Variants in SBF2 observed in about 807,000 individuals in gnomAD.
SBF2 encodes the protein myotubularin-related protein 13.
In SBF2, 112 loss-of-function variants were observed where a neutral mutation model predicts 225.2. That is an observed-to-expected ratio of 0.50 (90% CI 0.43 to 0.58). SBF2 has a LOEUF of 0.58. SBF2 is among the 20% of genes least tolerant of loss of function. SBF2 has a pLI of 0.00. For missense variants in SBF2, 1,996 were observed against 2,206.2 expected, an observed-to-expected ratio of 0.90 and a Z score of 1.91; for synonymous variants, 763 against 773.3, an observed-to-expected ratio of 0.99 and a Z score of 0.22.
chr11:9,916,847 G>C (rs1410411833), intron 16 of SBF2, among the ~76,000 whole-genome samples: 1 of 151,698 alleles, frequency 6.6e-6, no homozygotes, highest in Admixed American at 6.6e-5. Flanking sequence ...AGCCTCCCAA[G>C]TGCTAAGAGT....
Position 10,198,443 on chromosome 11 carries a change from C to T in SBF2, c.56-4456G>A, listed in dbSNP as rs1222988709. Among the ~76,000 whole-genome samples, 5 of 152,340 alleles carry T rather than the reference C, an allele frequency of 3.3e-5. No homozygotes were observed. The East Asian group carries it at 5.8e-4, about 18-fold the overall frequency. The stretch of plus-strand genomic sequence containing the variant: ...GTAAACCATGCTATAAATAGATGTG[C>T]TGTCATCCAGGCATTGTTGTCCCAT... On this transcript the variant is annotated intron_variant, in intron 1 of 39. Transcript: ENST00000256190.
At chr11:10,198,217 T>C (rs1957447524) in intron 1 of SBF2, among the ~76,000 whole-genome samples, 1 of 152,176 alleles carries the variant, frequency 6.6e-6, no homozygotes, top group Admixed American at 6.5e-5. Context: ...TCTTAAATAG[T>C]AAAACTTGAA....
chr11:10,046,632 C>CT (rs1018936165), intron 2 of SBF2, among the ~76,000 whole-genome samples: 4 of 150,340 alleles, frequency 2.7e-5, no homozygotes, highest in Admixed American at 1.3e-4. Context: ...TAAAGAATAT[C>CT]TTTTAAAAAA....
chr11:10,170,663 T>G (rs1404524053), intron 2 of SBF2, among the ~76,000 whole-genome samples: 2 of 152,184 alleles, frequency 1.3e-5, no homozygotes, highest in African/African-American at 2.4e-5. Flanking sequence ...ACTTTAGAAC[T>G]GTTTATTCTA....
At chr11:9,780,968 C>T (rs188632258) in intron 39 of SBF2, 42 of 294,988 alleles carry the variant, frequency 1.4e-4, no homozygotes, top group East Asian at 5.1e-4. Flanking sequence ...GTCAGGAAAA[C>T]GGTCTCATGG....
chr11:9,822,346 C>T lies in SBF2; in HGVS notation c.3794-5322G>A, dbSNP rs369860736. On this transcript the variant is annotated intron_variant, in intron 28 of 39. Coordinates refer to ENST00000256190, the MANE Select transcript of SBF2 (RefSeq NM_030962.4). ...CGCGATCCTGGCTCACTGCAAGCTC[C>T]GCCTCCCGGGTTCAAGCCATTCTCC... Among the ~76,000 whole-genome samples, 722 of 151,482 alleles carry T rather than the reference C, an allele frequency of 4.8e-3. 4 individuals are homozygous for T. The highest frequency in any genetic ancestry group is 0.014 in the African/African-American group (594 of 41,236).
intron 23 of SBF2, 94 bp from the exon 24 acceptor site, chr11:9,845,834 G>T: frequency 8.7e-7 from 1 of 1,150,280 alleles, no homozygotes; most frequent in African/African-American, 1.5e-5. Context: ...AAAATGGCAA[G>T]ACTGGAGGTC....
chr11:10,293,974 G>GC, intron 1 of SBF2, 41 bp downstream of exon 1: 1 of 1,297,884 alleles, frequency 7.7e-7, no homozygotes, highest in South Asian at 2.4e-5. Flanking sequence ...AGCGGCCGGG[G>GC]GGCGGGGAGG....
intron 16 of SBF2, among the ~76,000 whole-genome samples, chr11:9,937,642 A>G (rs1005158050): frequency 3.3e-5 from 5 of 152,200 alleles, no homozygotes; most frequent in African/African-American, 1.2e-4. Flanking sequence ...AGATGAAATA[A>G]ATAAATTGTA....
At chr11:10,228,260 T>C (rs1022207987) in intron 1 of SBF2, among the ~76,000 whole-genome samples, 2 of 152,208 alleles carry the variant, frequency 1.3e-5, no homozygotes, top group Non-Finnish European at 2.9e-5. Context: ...AATCATGTCA[T>C]CTGCAAACAG....
In SBF2 at chr11:10,258,081, T is replaced by TACACACACACAC. The variant is rs57653852; in HGVS notation, c.55+35922_55+35933dup. Among the ~76,000 whole-genome samples the TACACACACACAC allele has an allele frequency of 1.3e-3, 180 of 138,948 alleles. 1 individual carries two copies. The highest frequency in any genetic ancestry group is 3.7e-3 in the Middle Eastern group (1 of 272). 91.2% of individuals were successfully genotyped at this position (138,948 alleles called of 152,430 possible). On this transcript the variant is annotated intron_variant, in intron 1 of 39. Coordinates refer to ENST00000256190, the MANE Select transcript of SBF2 (RefSeq NM_030962.4). The stretch of plus-strand genomic sequence containing the variant: ...TCTAAGAGGTATAAATACACACACA[T>TACACACACACAC]ACACACACACACACACACACACACA...
At chr11:10,212,879 T>C (rs12286545) in intron 1 of SBF2, among the ~76,000 whole-genome samples, 14,465 of 152,086 alleles carry the variant, frequency 0.095, 937 homozygotes, top group East Asian at 0.29. Flanking sequence ...GGGAACCCCG[T>C]CTCTACTAAA....
intron 16 of SBF2, among the ~76,000 whole-genome samples, chr11:9,931,799 T>C (rs1224861028): frequency 6.6e-6 from 1 of 152,138 alleles, no homozygotes; most frequent in Non-Finnish European, 1.5e-5. Context: ...TTGACAGAAG[T>C]AGGCTTCAGA....
chr11:9,988,908 C>T (rs1291265932), intron 13 of SBF2, among the ~76,000 whole-genome samples: 1 of 152,076 alleles, frequency 6.6e-6, no homozygotes, highest in Non-Finnish European at 1.5e-5. Context: ...CGGGGTTTCA[C>T]CCAGAGGAAA....
chr11:10,007,133 C>T (rs1400257451), intron 6 of SBF2, among the ~76,000 whole-genome samples: 2 of 152,148 alleles, frequency 1.3e-5, no homozygotes, highest in Admixed American at 1.3e-4. Context: ...TCTGTTCTCT[C>T]TGGTATCTCC....
At chr11:9,997,721 T>A (rs113947559) in intron 9 of SBF2, among the ~76,000 whole-genome samples, 7,994 of 152,250 alleles carry the variant, frequency 0.053, 294 homozygotes, top group Middle Eastern at 0.17. Flanking sequence ...GAGCTTGCAG[T>A]GAGCCCAGAT....
At chr11:9,920,577 G>C (rs778034332) in intron 16 of SBF2, among the ~76,000 whole-genome samples, 9 of 152,164 alleles carry the variant, frequency 5.9e-5, no homozygotes, top group Non-Finnish European at 1.2e-4. Flanking sequence ...TGCTTATTGA[G>C]TTATAAAGTA....
intron 16 of SBF2, among the ~76,000 whole-genome samples, chr11:9,899,407 G>C (rs1462110544): frequency 6.6e-6 from 1 of 150,500 alleles, no homozygotes; most frequent in East Asian, 1.9e-4. Context: ...GGGAGGCTGA[G>C]ATGGGAGGAT....
At chr11:10,176,665 C>T (rs1956477760) in intron 2 of SBF2, among the ~76,000 whole-genome samples, 2 of 152,144 alleles carry the variant, frequency 1.3e-5, no homozygotes, top group Admixed American at 6.5e-5. Context: ...TCTGAATAGA[C>T]CAATAACAGG....
Sources: gnomAD v4.1 joint callset for allele counts (sites outside exome capture counted in the v4.1 genomes callset) on GRCh38, gnomAD v4.1.1 for gene constraint, MANE v1.5 for transcripts, NCBI Gene and HGNC (gene_info 2026-07-23, HGNC 2026-07-21) for gene names.